Variants in CCDC122 observed in about 807,000 individuals in gnomAD.
The protein encoded by CCDC122 is coiled-coil domain containing 122, also known as coiled-coil domain-containing protein 122.
In CCDC122, 38 loss-of-function variants were observed where a neutral mutation model predicts 37.0. The ratio of observed to expected loss-of-function variants is 1.03; its 90% CI spans 0.79 to 1.35. The LOEUF (loss-of-function observed/expected upper bound fraction) is 1.35. Ranked by LOEUF, CCDC122 falls within the 40% of genes most tolerant of loss-of-function variation. The pLI, the probability that CCDC122 is intolerant of heterozygous loss-of-function variation, is 0.00. For synonymous variants in CCDC122, 83 were observed against 95.6 expected, an observed-to-expected ratio of 0.87 and a Z score of 0.77; for missense variants, 305 against 310.0, an observed-to-expected ratio of 0.98 and a Z score of 0.12.
chr13:43,833,534 T>C (rs1953110430), downstream of CCDC122, among the ~76,000 whole-genome samples: 2 of 152,168 alleles, frequency 1.3e-5, no homozygotes, highest in South Asian at 4.1e-4. Context: ...GAAGAATGCA[T>C]GGATAGAATA....
chr13:43,864,808 T>G (rs1310462368), intron 4 of CCDC122, among the ~76,000 whole-genome samples: 3 of 152,126 alleles, frequency 2.0e-5, no homozygotes, highest in African/African-American at 7.2e-5. Flanking sequence ...AATGAATTAA[T>G]TCTTGGTGGG....
At chr13:43,849,066 C>T (rs60793390) in intron 6 of CCDC122, 21,459 of 905,558 alleles carry the variant, frequency 0.024, 633 homozygotes, top group African/African-American at 0.13. Context: ...CTATATTGGT[C>T]CTTCAGCTTC....
chr13:43,820,166 T>C (rs151190566), downstream of CCDC122, among the ~76,000 whole-genome samples: 2 of 152,294 alleles, frequency 1.3e-5, no homozygotes, highest in Non-Finnish European at 2.9e-5. Flanking sequence ...GTCCAAACTA[T>C]TGTCAAAAAT....
intron 6 of CCDC122, among the ~76,000 whole-genome samples, chr13:43,846,860 G>C (rs894383210): frequency 7.1e-6 from 1 of 140,832 alleles, no homozygotes; most frequent in Non-Finnish European, 1.5e-5. Flanking sequence ...ACCTCATGAA[G>C]GAGTAAGAAT....
chr13:43,824,307 C>G (rs1953019246), intron 3 of CCDC122, among the ~76,000 whole-genome samples: 1 of 152,046 alleles, frequency 6.6e-6, no homozygotes, highest in African/African-American at 2.4e-5. Context: ...AGAGTATATG[C>G]AAAGGGATGT....
chr13:43,870,484 G>A (rs1954410760), intron 2 of CCDC122, among the ~76,000 whole-genome samples: 1 of 152,028 alleles, frequency 6.6e-6, no homozygotes, highest in South Asian at 2.1e-4. Flanking sequence ...AAAAATGCAT[G>A]CCCTCTACAT....
At chr13:43,862,952 C>T (rs1401952139) in intron 4 of CCDC122, among the ~76,000 whole-genome samples, 1 of 151,888 alleles carries the variant, frequency 6.6e-6, no homozygotes, top group African/African-American at 2.4e-5. Flanking sequence ...CTTTAATCTC[C>T]TCTGCCTCTT....
intron 6 of CCDC122, among the ~76,000 whole-genome samples, chr13:43,846,849 A>G (rs1432004489): frequency 6.6e-6 from 1 of 150,742 alleles, no homozygotes; most frequent in Non-Finnish European, 1.5e-5. Context: ...TTACTCAACC[A>G]ACCTCATGAA....
chr13:43,860,121 G>A (rs932695312), intron 4 of CCDC122, 51 bp from the exon 5 acceptor site: 1 of 988,502 alleles, frequency 1.0e-6, no homozygotes, highest in South Asian at 3.2e-5. Flanking sequence ...TTAAACATGA[G>A]AGGAAAATCA....
intron 6 of CCDC122, 35 bp downstream of exon 6, chr13:43,858,746 C>T (rs377395606): frequency 6.1e-6 from 8 of 1,313,330 alleles, no homozygotes; most frequent in Non-Finnish European, 7.1e-6. Context: ...AAAATGGTCC[C>T]ATAAAACATT....
intron 6 of CCDC122, among the ~76,000 whole-genome samples, chr13:43,843,529 T>C (rs1017278249): frequency 6.6e-6 from 1 of 151,988 alleles, no homozygotes; most frequent in Non-Finnish European, 1.5e-5. Context: ...TCTGATAGGA[T>C]TCCTATCAAT....
chr13:43,848,766 T>A, intron 6 of CCDC122: 1 of 733,400 alleles, frequency 1.4e-6, no homozygotes, highest in African/African-American at 1.9e-5. Context: ...AAGATTAATA[T>A]GAGAACCAAA....
downstream of CCDC122, chr13:43,836,313 T>A (rs1012392217): frequency 6.6e-6 from 1 of 152,260 alleles, no homozygotes; most frequent in South Asian, 2.1e-4. Flanking sequence ...AAGAGTTACA[T>A]GATGTTATAA....
At chr13:43,872,110 AACT>A (rs1252122882) in intron 2 of CCDC122, among the ~76,000 whole-genome samples, 1 of 152,022 alleles carries the variant, frequency 6.6e-6, no homozygotes, top group Non-Finnish European at 1.5e-5. Flanking sequence ...CTCAGATGCA[AACT>A]ACTGTTTATT....
At chr13:43,870,354 T>C (rs1026478955) in intron 2 of CCDC122, among the ~76,000 whole-genome samples, 4 of 152,162 alleles carry the variant, frequency 2.6e-5, no homozygotes, top group Admixed American at 6.6e-5. Context: ...TTACATCCTT[T>C]CTGCTCAACA....
downstream of CCDC122, among the ~76,000 whole-genome samples, chr13:43,834,531 A>C (rs1232414460): frequency 1.3e-5 from 2 of 152,226 alleles, no homozygotes; most frequent in Non-Finnish European, 2.9e-5. Flanking sequence ...CAACCTACAG[A>C]ATGGGAGAAA....
downstream of CCDC122, among the ~76,000 whole-genome samples, chr13:43,822,660 G>C (rs1953002874): frequency 6.6e-6 from 1 of 152,198 alleles, no homozygotes. Flanking sequence ...ACAATACAAA[G>C]CCTTTCCCAC....
At chr13:43,847,377 C>T (rs1953579428) in intron 6 of CCDC122, among the ~76,000 whole-genome samples, 1 of 152,134 alleles carries the variant, frequency 6.6e-6, no homozygotes, top group Admixed American at 6.5e-5. Flanking sequence ...AAAGGAACTA[C>T]AGCCTTTCTT....
chr13:43,868,701 T>A lies in CCDC122; in HGVS notation c.149A>T (p.Asn50Ile). The change falls in exon 4 of 7, where the codon AAT becomes ATT. Residue 50 changes from asparagine to isoleucine, a missense_variant. Physicochemically the swap from Asn to Ile is moderately radical, Grantham distance 149 (BLOSUM62 -3). Transcript: ENST00000444614. ...ACTATATAAAGAAGTTACCTTCAAA[T>A]TGAACAGAACCTTTTTGTTTTTTTC... ...EIEKNKKVLF[N>I]LKNELHELEK... 3.9e-6 allele frequency: 6 copies of A among 1,540,288 alleles called. No homozygotes were observed. The highest frequency in any genetic ancestry group is 5.3e-6 in the Non-Finnish European group (6 of 1,141,202).
Sources: allele counts gnomAD v4.1 joint callset (sites outside exome capture counted in the v4.1 genomes callset), GRCh38; gene constraint gnomAD v4.1.1; transcripts MANE v1.5; gene names NCBI Gene and HGNC (gene_info 2026-07-23, HGNC 2026-07-21).